VKORC1L1: variants seen among roughly 807,000 people sequenced by gnomAD.
VKORC1L1 encodes the protein vitamin K epoxide reductase complex subunit 1-like protein 1.
Under a neutral mutation model 18.9 loss-of-function variants are expected in VKORC1L1, and 2 were observed. The ratio of observed to expected loss-of-function variants is 0.11; its 90% confidence interval spans 0.04 to 0.33. VKORC1L1 has a LOEUF of 0.33. Among genes scored for constraint, VKORC1L1 ranks in the 10% least tolerant of loss-of-function variants. The pLI is 1.00. For synonymous variants in VKORC1L1, 96 were observed against 100.0 expected (o/e 0.96, Z 0.24); for missense variants, 123 against 224.1 (o/e 0.55, Z 2.88).
chr7:65,912,488 G>A (rs1425563102), intron 1 of VKORC1L1, among the ~76,000 whole-genome samples: 2 of 152,148 alleles, frequency 1.3e-5, no homozygotes, highest in Admixed American at 1.3e-4. Context: ...TTTGTGTAAT[G>A]GATTAGTGAG....
At chr7:65,876,502 TAAAAA>T in intron 1 of VKORC1L1, among the ~76,000 whole-genome samples, 1 of 137,120 alleles carries the variant, frequency 7.3e-6, no homozygotes, top group African/African-American at 2.7e-5. Flanking sequence ...ACTCTGTCTT[TAAAAA>T]AAAAAAAAAA....
chr7:65,894,155 A>G (rs977851751), intron 1 of VKORC1L1, among the ~76,000 whole-genome samples: 2 of 151,632 alleles, frequency 1.3e-5, no homozygotes, highest in Non-Finnish European at 2.9e-5. Flanking sequence ...GGGTTTCACT[A>G]TGTTGGCCAG....
intron 1 of VKORC1L1, among the ~76,000 whole-genome samples, chr7:65,895,503 A>ATG (rs1239330828): frequency 6.1e-5 from 7 of 115,548 alleles, no homozygotes; most frequent in Non-Finnish European, 1.1e-4. Context: ...ATATATATAT[A>ATG]TATATATATA....
At chr7:65,868,824 G>A (rs1788691744), upstream of VKORC1L1, among the ~76,000 whole-genome samples, 1 of 152,060 alleles carries the variant, frequency 6.6e-6, no homozygotes, top group African/African-American at 2.4e-5. Flanking sequence ...ATGGGAGGAG[G>A]GTGAGGGGTG....
At chr7:65,947,679 T>C (rs1380684668) in intron 1 of VKORC1L1, among the ~76,000 whole-genome samples, 1 of 152,156 alleles carries the variant, frequency 6.6e-6, no homozygotes, top group African/African-American at 2.4e-5. Flanking sequence ...ACCTATAGTT[T>C]CTGATATTAT....
In VKORC1L1 at chr7:65,899,231, C is replaced by G. The variant is rs565723132; in HGVS notation, c.194+25666C>G. On this transcript the variant is annotated intron_variant, in intron 1 of 2. Transcript: ENST00000360768. ...TTGGGTGCCACCCAAAATGCAGGCTCAAGGCCGCAGCCTCTTGACTCTGTT... is the reference window on the plus strand; with the variant it reads ...TTGGGTGCCACCCAAAATGCAGGCTGAAGGCCGCAGCCTCTTGACTCTGTT... Among the ~76,000 whole-genome samples, 120 of 152,334 alleles carry G rather than the reference C, an allele frequency of 7.9e-4. 1 individual carries two copies. In the South Asian group the frequency reaches 0.012, roughly 16 times the overall value.
chr7:65,895,469 AAAAAAAAAAAAATATATATATAT>A lies in VKORC1L1; in HGVS notation c.194+21906_194+21928del, dbSNP rs1213397632. ...CATCTGTGAGAAAAAAAAAAAAAAA[AAAAAAAAAAAAATATATATATAT>A]ATATATATATATATATATATATATA... On this transcript the variant is annotated intron_variant, in intron 1 of 2. Coordinates refer to ENST00000360768, the MANE Select transcript of VKORC1L1 (RefSeq NM_173517.6). 5.3e-3 allele frequency among the ~76,000 whole-genome samples: 286 copies of A among 53,990 alleles called. 6 individuals carry two copies. Among genetic ancestry groups the A allele is most frequent in the Middle Eastern group, 0.027 (4 of 148 alleles). The allele number at this position is 53,990 out of a possible 152,430, so 35.4% of individuals were successfully genotyped here.
chr7:65,937,321 C>T (rs1292032424), intron 1 of VKORC1L1, among the ~76,000 whole-genome samples: 1 of 152,166 alleles, frequency 6.6e-6, no homozygotes, highest in African/African-American at 2.4e-5. Context: ...TTAATTGTAA[C>T]CTGTCAGGAA....
intron 1 of VKORC1L1, among the ~76,000 whole-genome samples, chr7:65,941,504 G>A (rs1790032247): frequency 6.6e-6 from 1 of 151,786 alleles, no homozygotes; most frequent in Non-Finnish European, 1.5e-5. Flanking sequence ...ATGTATTTTT[G>A]TACGCTTATT....
At chr7:65,902,315 G>A (rs1469065235) in intron 1 of VKORC1L1, among the ~76,000 whole-genome samples, 6 of 151,940 alleles carry the variant, frequency 3.9e-5, no homozygotes, top group Non-Finnish European at 8.8e-5. Context: ...AGAAGTGGAA[G>A]GTGTATTTTA....
At chr7:65,885,097 A>G (rs1788990578) in intron 1 of VKORC1L1, among the ~76,000 whole-genome samples, 1 of 152,222 alleles carries the variant, frequency 6.6e-6, no homozygotes, top group Admixed American at 6.5e-5. Flanking sequence ...GTTAGTTCTG[A>G]AAAACATGAC....
intron 1 of VKORC1L1, among the ~76,000 whole-genome samples, 178 bp downstream of exon 1, chr7:65,873,743 G>T (rs1788773854): frequency 6.6e-6 from 1 of 150,966 alleles, no homozygotes. Flanking sequence ...CCTGCCCGGG[G>T]GGCGGCCTGA....
intron 1 of VKORC1L1, among the ~76,000 whole-genome samples, chr7:65,875,943 C>CA (rs1173876818): frequency 6.6e-6 from 1 of 152,196 alleles, no homozygotes; most frequent in South Asian, 2.1e-4. Flanking sequence ...TCTCATTTCG[C>CA]AAGCCCTGTG....
chr7:65,950,077 T>G (rs1042990055), intron 2 of VKORC1L1, among the ~76,000 whole-genome samples: 1 of 152,180 alleles, frequency 6.6e-6, no homozygotes, highest in African/African-American at 2.4e-5. Flanking sequence ...AAGACATGCT[T>G]TGTAAAATTT....
rs578108745 is a variant in VKORC1L1, at chr7:65,879,720, CCTT to C, written c.194+6159_194+6161del. On this transcript the variant is annotated intron_variant, in intron 1 of 2. Transcript: ENST00000360768. ...TTTCTTTTCTCTCTTTCTTTTCCTT[CCTT>C]CTTTTCTTTCTTTTTCCTTCCTTCC... Among the ~76,000 whole-genome samples, 395 of 151,650 alleles carry C rather than the reference CCTT, an allele frequency of 2.6e-3. 6 individuals are homozygous for C. The highest frequency in any genetic ancestry group is 8.2e-3 in the African/African-American group (339 of 41,364).
intron 1 of VKORC1L1, among the ~76,000 whole-genome samples, chr7:65,874,653 A>G (rs1334102984): frequency 1.3e-5 from 2 of 151,960 alleles, no homozygotes; most frequent in East Asian, 3.9e-4. Flanking sequence ...CAAAAATACA[A>G]AAATTAGCTG....
chr7:65,947,535 G>A (rs1254023667), intron 1 of VKORC1L1, among the ~76,000 whole-genome samples: 1 of 151,012 alleles, frequency 6.6e-6, no homozygotes, highest in Non-Finnish European at 1.5e-5. Context: ...TATCAAATAA[G>A]TTAACAATTT....
intron 1 of VKORC1L1, among the ~76,000 whole-genome samples, chr7:65,914,722 G>C (rs546205156): frequency 1.6e-4 from 25 of 152,242 alleles, no homozygotes; most frequent in African/African-American, 5.3e-4. Flanking sequence ...CCCTCTGGCT[G>C]GGTGTTGTGT....
intron 1 of VKORC1L1, among the ~76,000 whole-genome samples, chr7:65,874,374 C>T (rs191001384): frequency 1.3e-5 from 2 of 151,990 alleles, no homozygotes; most frequent in Non-Finnish European, 1.5e-5. Context: ...AACGTTGTTG[C>T]CTATTAGCAT....
Sources: allele counts gnomAD v4.1 joint callset (sites outside exome capture counted in the v4.1 genomes callset), GRCh38; gene constraint gnomAD v4.1.1; transcripts MANE v1.5; gene names NCBI Gene and HGNC (gene_info 2026-07-23, HGNC 2026-07-21).